Variants in SLC14A2 observed in about 807,000 individuals in gnomAD.
SLC14A2 encodes solute carrier family 14 member 2, also known as urea transporter 2.
SLC14A2 carries 91 observed loss-of-function variants against 104.6 expected under a neutral mutation model. The observed-to-expected ratio is 0.87, with a 90% confidence interval of 0.73 to 1.04. The LOEUF (loss-of-function observed/expected upper bound fraction) is 1.04. Among genes scored for constraint, SLC14A2 ranks in the 50% least tolerant of loss-of-function variants. The pLI is 0.00. For missense variants in SLC14A2, 1,189 were observed against 1,156.0 expected (o/e 1.03, Z -0.41); for synonymous variants, 476 against 466.4 (o/e 1.02, Z -0.27).
At chr18:45,581,144 G>T (rs8095040) in intron 2 of SLC14A2, among the ~76,000 whole-genome samples, 10,385 of 152,178 alleles carry the variant, frequency 0.068, 399 homozygotes, top group African/African-American at 0.11. Flanking sequence ...GGTATATGGG[G>T]ACGAAAAGAG....
Position 45,358,524 on chromosome 18 carries a change from A to G in SLC14A2, c.-124-124709A>G, listed in dbSNP as rs1416252239. Among the ~76,000 whole-genome samples, 5 of 152,174 alleles carry G rather than the reference A, an allele frequency of 3.3e-5. No homozygotes were observed. The East Asian group carries it at 9.6e-4, about 29-fold the overall frequency. ...CCACAGAGTCCTATTGGCCCACTAGAGGAATACAATGAAACACTCATAAAA... is the reference window on the plus strand; with the variant it reads ...CCACAGAGTCCTATTGGCCCACTAGGGGAATACAATGAAACACTCATAAAA... On this transcript the variant is annotated intron_variant, in intron 1 of 20. Coordinates refer to the SLC14A2 transcript ENST00000586448.
intron 1 of SLC14A2, among the ~76,000 whole-genome samples, chr18:45,480,751 G>A (rs1034273276): frequency 1.3e-4 from 20 of 152,160 alleles, no homozygotes; most frequent in Admixed American, 9.8e-4. Context: ...GGATTGCCAG[G>A]AACAGTCCCA....
intron 2 of SLC14A2, among the ~76,000 whole-genome samples, chr18:45,514,388 G>A (rs543303347): frequency 1.3e-5 from 2 of 152,260 alleles, no homozygotes; most frequent in African/African-American, 2.4e-5. Flanking sequence ...TACAGGAAAG[G>A]TGCTAAACTA....
At chr18:45,581,263 G>A (rs964053308) in intron 2 of SLC14A2, among the ~76,000 whole-genome samples, 10 of 152,338 alleles carry the variant, frequency 6.6e-5, no homozygotes, top group Non-Finnish European at 8.8e-5. Context: ...TGGGCCACCC[G>A]TGTGCCTTGC....
At chr18:45,413,675 C>T (rs2086238782) in intron 1 of SLC14A2, among the ~76,000 whole-genome samples, 1 of 152,132 alleles carries the variant, frequency 6.6e-6, no homozygotes, top group Non-Finnish European at 1.5e-5. Context: ...TGTTGTTTGG[C>T]AAGTTGATCA....
intron 2 of SLC14A2, among the ~76,000 whole-genome samples, chr18:45,552,099 C>T (rs1163628141): frequency 1.3e-5 from 2 of 152,172 alleles, no homozygotes; most frequent in South Asian, 2.1e-4. Flanking sequence ...ATCCGTGACC[C>T]ATACAGGGCT....
the SLC14A2 span, among the ~76,000 whole-genome samples, chr18:45,190,695 C>G: frequency 6.6e-6 from 1 of 152,178 alleles, no homozygotes; most frequent in Non-Finnish European, 1.5e-5. Context: ...ACGAAGTCTA[C>G]CCCGCCAGTT....
At chr18:45,508,157 C>A (rs896349250) in intron 2 of SLC14A2, among the ~76,000 whole-genome samples, 5 of 151,678 alleles carry the variant, frequency 3.3e-5, no homozygotes, top group African/African-American at 1.2e-4. Flanking sequence ...CTGGGGCTGA[C>A]CTCCTGAGTC....
chr18:45,275,985 T>C lies in SLC14A2; in HGVS notation c.-125+62794T>C, dbSNP rs146876004. Among the ~76,000 whole-genome samples, 9 of 152,376 alleles carry C rather than the reference T, an allele frequency of 5.9e-5. No homozygotes were observed. In the East Asian group the frequency reaches 1.2e-3, roughly 20 times the overall value. ...GGTCAGGAAAACCTGTTTGCGAAGA[T>C]GGCATTTGAGCAGAGATCTAAGTCA... is the stretch of plus-strand genomic sequence containing the variant. On this transcript the variant is annotated intron_variant, in intron 1 of 20. Transcript: ENST00000586448.
chr18:45,508,902 A>T (rs760127009), intron 2 of SLC14A2, among the ~76,000 whole-genome samples: 1 of 152,266 alleles, frequency 6.6e-6, no homozygotes, highest in African/African-American at 2.4e-5. Flanking sequence ...ATTACAAATT[A>T]TCAAGATATT....
At chr18:45,670,034 G>A (rs1164633467) in intron 16 of SLC14A2, among the ~76,000 whole-genome samples, 2 of 152,148 alleles carry the variant, frequency 1.3e-5, no homozygotes, top group Non-Finnish European at 2.9e-5. Flanking sequence ...AGGCTGAGGT[G>A]GGAGGATCGC....
At chr18:45,595,601 G>A (rs1024709852) in intron 2 of SLC14A2, among the ~76,000 whole-genome samples, 3 of 152,160 alleles carry the variant, frequency 2.0e-5, no homozygotes, top group African/African-American at 7.2e-5. Context: ...ACCAGGTCTC[G>A]TGGCCTCTTT....
intron 1 of SLC14A2, among the ~76,000 whole-genome samples, chr18:45,623,071 G>C (rs372278850): frequency 1.3e-5 from 2 of 152,224 alleles, no homozygotes; most frequent in East Asian, 1.9e-4. Context: ...GTAACATAAG[G>C]GGCCATGAAG....
At chr18:45,643,938 C>A (rs1281610491) in intron 9 of SLC14A2, 48 bp from the exon 10 acceptor site, 15 of 1,570,698 alleles carry the variant, frequency 9.5e-6, no homozygotes, top group African/African-American at 2.7e-5. Flanking sequence ...CCCAGCCCAA[C>A]ACAGGAAACT....
At chr18:45,540,748 TTAATAACAA>T (rs1422452715) in intron 2 of SLC14A2, among the ~76,000 whole-genome samples, 3 of 151,896 alleles carry the variant, frequency 2.0e-5, no homozygotes, top group African/African-American at 7.3e-5. Flanking sequence ...TCATCTCAAA[TTAATAACAA>T]TAATAATAAT....
rs1395414951 is a variant in SLC14A2, at chr18:45,624,954, G to A, written c.150+140G>A. The A allele has an allele frequency of 1.5e-5, 12 of 811,340 alleles. No individual in the cohort carries two copies. In the East Asian group the frequency reaches 3.3e-4, roughly 22 times the overall value. The allele number at this position is 811,340 out of a possible 1,614,324, so 50.3% of individuals were successfully genotyped here. The stretch of plus-strand genomic sequence containing the variant: ...CTGTCAGTACATGGTGACACCCATG[G>A]TGGGTCCTACCTGGCCTTAGATAAT... On this transcript the variant is annotated intron_variant, in intron 2 of 19. Coordinates refer to ENST00000255226, the MANE Select transcript of SLC14A2 (RefSeq NM_007163.4).
intron 2 of SLC14A2, among the ~76,000 whole-genome samples, chr18:45,495,379 G>A (rs2144742743): frequency 6.6e-6 from 1 of 152,258 alleles, no homozygotes; most frequent in African/African-American, 2.4e-5. Context: ...ATAAGATCCT[G>A]GTGGCATATT....
intron 10 of SLC14A2, among the ~76,000 whole-genome samples, chr18:45,648,195 CTTTTTT>C (rs59843067): frequency 3.0e-5 from 3 of 101,246 alleles, no homozygotes; most frequent in Non-Finnish European, 5.8e-5. Flanking sequence ...CTAGTTAATG[CTTTTTT>C]TTTTTTTTTT....
At chr18:45,484,487 G>A (rs1249883184) in intron 2 of SLC14A2, among the ~76,000 whole-genome samples, 1 of 152,200 alleles carries the variant, frequency 6.6e-6, no homozygotes, top group Non-Finnish European at 1.5e-5. Context: ...TCACAGAGCA[G>A]GGATTAGTTA....
Sources: allele counts gnomAD v4.1 joint callset (sites outside exome capture counted in the v4.1 genomes callset), GRCh38; gene constraint gnomAD v4.1.1; transcripts MANE v1.5; gene names NCBI Gene and HGNC (gene_info 2026-07-23, HGNC 2026-07-21).